PCDH9: variants seen among roughly 807,000 people sequenced by gnomAD.
The protein encoded by PCDH9 is protocadherin-9.
PCDH9 carries 24 observed loss-of-function variants against 70.6 expected under a neutral mutation model. The observed-to-expected ratio is 0.34, with a 90% CI of 0.25 to 0.48. The LOEUF is 0.48. PCDH9 is among the 20% of genes least tolerant of loss of function. PCDH9 has a pLI of 0.99. For missense variants in PCDH9, 1,281 were observed against 1,503.6 expected (o/e 0.85, Z 2.45); for synonymous variants, 562 against 558.5 (o/e 1.01, Z -0.09).
intron 4 of PCDH9, among the ~76,000 whole-genome samples, chr13:66,582,118 T>C (rs2076900562): frequency 6.6e-6 from 1 of 152,152 alleles, no homozygotes; most frequent in African/African-American, 2.4e-5. Flanking sequence ...AGTACTCTTA[T>C]TTTTATTAAG....
chr13:67,207,522 A>G (rs1177924745), intron 2 of PCDH9: 1 of 152,208 alleles, frequency 6.6e-6, no homozygotes, highest in African/African-American at 2.4e-5. Context: ...AGTACTTAAT[A>G]AATATCAGTT....
chr13:66,530,792 T>G (rs1361881542), intron 4 of PCDH9, among the ~76,000 whole-genome samples: 1 of 152,080 alleles, frequency 6.6e-6, no homozygotes, highest in Admixed American at 6.6e-5. Context: ...TGATGTTGGT[T>G]GCATTATAAT....
chr13:66,619,300 A>C (rs2077394490), intron 4 of PCDH9, among the ~76,000 whole-genome samples: 1 of 152,166 alleles, frequency 6.6e-6, no homozygotes, highest in African/African-American at 2.4e-5. Context: ...ACTGTAGCAA[A>C]AACATGTTTT....
At chr13:66,902,114 G>A (rs1012913814) in intron 3 of PCDH9, among the ~76,000 whole-genome samples, 1 of 151,564 alleles carries the variant, frequency 6.6e-6, no homozygotes, top group East Asian at 1.9e-4. Flanking sequence ...AACATACACA[G>A]TGAAGAGGAA....
At chr13:66,998,569 A>G (rs957285944) in intron 2 of PCDH9, among the ~76,000 whole-genome samples, 12 of 152,130 alleles carry the variant, frequency 7.9e-5, no homozygotes, top group South Asian at 2.1e-4. Flanking sequence ...CTTTTTACTT[A>G]GTTGGTGAAA....
At chr13:66,466,863 A>G (rs1419863441) in intron 4 of PCDH9, among the ~76,000 whole-genome samples, 1 of 152,056 alleles carries the variant, frequency 6.6e-6, no homozygotes, top group Non-Finnish European at 1.5e-5. Context: ...AAATGTTATG[A>G]ACTAAGAAGT....
chr13:66,398,303 A>G (rs1487952673), intron 4 of PCDH9, among the ~76,000 whole-genome samples: 1 of 152,108 alleles, frequency 6.6e-6, no homozygotes, highest in East Asian at 1.9e-4. Context: ...AATTATTGTA[A>G]ACACATTCAA....
intron 3 of PCDH9, among the ~76,000 whole-genome samples, chr13:66,669,707 T>C (rs2078145086): frequency 6.6e-6 from 1 of 152,150 alleles, no homozygotes. Context: ...CTGATACACC[T>C]ATACTAAAGG....
At chr13:66,464,195 G>A (rs969068918) in intron 4 of PCDH9, among the ~76,000 whole-genome samples, 2 of 151,554 alleles carry the variant, frequency 1.3e-5, no homozygotes, top group African/African-American at 4.8e-5. Flanking sequence ...GATAAACGCA[G>A]TCACTGTTTT....
At chr13:67,157,350 A>G (rs1016797238) in intron 2 of PCDH9, among the ~76,000 whole-genome samples, 4 of 152,196 alleles carry the variant, frequency 2.6e-5, no homozygotes, top group African/African-American at 9.7e-5. Flanking sequence ...TCTTATATTC[A>G]TTTGTTAAAA....
rs1025518156 is a variant in PCDH9 at position 67,225,151 on chromosome 13, T to A, written c.3036+254A>T. On this transcript the variant is annotated intron_variant, in intron 2 of 4. Transcript: ENST00000377865. ...AACATTATCTTGGGACATTTTGGAATAATTTTCTCTTTTCATCTTTTGCCA... is the reference window on the plus strand; with the variant it reads ...AACATTATCTTGGGACATTTTGGAAAAATTTTCTCTTTTCATCTTTTGCCA... 3 of 1,362,838 alleles carry A rather than the reference T, an allele frequency of 2.2e-6. No individual in the cohort carries two copies. In the South Asian group the frequency reaches 5.7e-5, roughly 26 times the overall value. The allele number at this position is 1,362,838 out of a possible 1,614,324, so 84.4% of individuals were successfully genotyped here.
chr13:66,475,346 T>C (rs1958703125), intron 4 of PCDH9, among the ~76,000 whole-genome samples: 1 of 152,144 alleles, frequency 6.6e-6, no homozygotes, highest in African/African-American at 2.4e-5. Flanking sequence ...AAGATAGCTT[T>C]GCAGAAAATG....
intron 3 of PCDH9, among the ~76,000 whole-genome samples, chr13:66,777,479 A>C (rs969615740): frequency 6.6e-5 from 10 of 152,160 alleles, no homozygotes; most frequent in African/African-American, 9.7e-5. Flanking sequence ...AGGACATGAA[A>C]AGACACTTCT....
intron 2 of PCDH9, among the ~76,000 whole-genome samples, chr13:66,971,640 A>G (rs2083524688): frequency 6.6e-6 from 1 of 151,974 alleles, no homozygotes; most frequent in Admixed American, 6.6e-5. Flanking sequence ...CTATTCAATG[A>G]CTGCAAATCT....
intron 3 of PCDH9, among the ~76,000 whole-genome samples, chr13:66,752,579 G>T (rs559327979): frequency 6.6e-6 from 1 of 152,242 alleles, no homozygotes; most frequent in African/African-American, 2.4e-5. Context: ...TTACAGGCAT[G>T]AGCCATGGTG....
At chr13:66,952,845 C>T (rs1186141915) in intron 2 of PCDH9, among the ~76,000 whole-genome samples, 5 of 152,034 alleles carry the variant, frequency 3.3e-5, no homozygotes, top group African/African-American at 1.2e-4. Flanking sequence ...ATAAACATAC[C>T]GGGACCGATA....
Position 67,108,473 on chromosome 13 carries a change from A to G in PCDH9, c.3036+116932T>C, listed in dbSNP as rs147809116. On this transcript the variant is annotated intron_variant, in intron 2 of 4. Coordinates refer to ENST00000377865, the MANE Select transcript of PCDH9 (RefSeq NM_203487.3). ...AGGCAGATACATTAAAAAACTCATG[A>G]CAAAGCAATAAACAACTTGTTTTAT... 3.5e-3 allele frequency among the ~76,000 whole-genome samples: 539 copies of G among 152,364 alleles called. 1 individual carries two copies. Among genetic ancestry groups the G allele is most frequent in the African/African-American group, 0.012 (506 of 41,590 alleles).
At chr13:66,998,524 T>C (rs905902245) in intron 2 of PCDH9, among the ~76,000 whole-genome samples, 1 of 152,204 alleles carries the variant, frequency 6.6e-6, no homozygotes, top group Non-Finnish European at 1.5e-5. Flanking sequence ...ATTAAACCTA[T>C]ACATCTCCCT....
intron 3 of PCDH9, among the ~76,000 whole-genome samples, chr13:66,866,742 A>G (rs1355411828): frequency 6.6e-6 from 1 of 152,168 alleles, no homozygotes; most frequent in Non-Finnish European, 1.5e-5. Context: ...GGTTGCAATG[A>G]GCCAAAATTG....
Sources: allele counts gnomAD v4.1 joint callset (sites outside exome capture counted in the v4.1 genomes callset), GRCh38; gene constraint gnomAD v4.1.1; transcripts MANE v1.5; gene names NCBI Gene and HGNC (gene_info 2026-07-23, HGNC 2026-07-21).